The following NECTIN4 variants were observed in gnomAD, a reference collection of about 807,000 sequenced individuals.
The protein encoded by NECTIN4 is nectin-4.
A neutral mutation model predicts 51.7 loss-of-function variants in NECTIN4; 19 were observed. That is an observed-to-expected ratio of 0.37 (90% confidence interval 0.26 to 0.54). The LOEUF is 0.54. Ranked by LOEUF, NECTIN4 falls within the 20% of genes least tolerant of loss-of-function variation. The pLI, the probability that NECTIN4 is intolerant of heterozygous loss-of-function variation, is 0.86. For missense variants in NECTIN4, 619 were observed against 662.4 expected, an observed-to-expected ratio of 0.93 and a Z score of 0.72; for synonymous variants, 283 against 286.9, an observed-to-expected ratio of 0.99 and a Z score of 0.14.
intron 1 of NECTIN4, among the ~76,000 whole-genome samples, chr1:161,088,153 A>G (rs781450279): frequency 6.6e-6 from 1 of 152,138 alleles, no homozygotes; most frequent in Non-Finnish European, 1.5e-5. Flanking sequence ...ACCTCCACCA[A>G]TCCACACATC....
intron 1 of NECTIN4, among the ~76,000 whole-genome samples, chr1:161,080,437 C>G (rs937900497): frequency 6.6e-6 from 1 of 152,196 alleles, no homozygotes; most frequent in Non-Finnish European, 1.5e-5. Context: ...CCGGGAGCCA[C>G]GGCAAGAATC....
intron 1 of NECTIN4, among the ~76,000 whole-genome samples, chr1:161,088,041 T>C (rs942445805): frequency 2.0e-5 from 3 of 151,992 alleles, no homozygotes; most frequent in African/African-American, 7.2e-5. Flanking sequence ...AAAACACAGG[T>C]GGTAGGGGAC....
intron 1 of NECTIN4, among the ~76,000 whole-genome samples, chr1:161,088,347 CA>C (rs1380188513): frequency 3.3e-5 from 5 of 152,116 alleles, no homozygotes; most frequent in Non-Finnish European, 7.4e-5. Context: ...ACCCTAGGAA[CA>C]CCCTATGGAA....
Position 161,072,511 on chromosome 1 carries a change from C to A in NECTIN4, c.*150G>T. 1 of 711,580 alleles carries A rather than the reference C, an allele frequency of 1.4e-6. No individual in the cohort carries two copies. Among genetic ancestry groups the A allele is most frequent in the South Asian group, 1.5e-5 (1 of 65,482 alleles). 44.1% of individuals were successfully genotyped at this position (711,580 alleles called of 1,614,324 possible). On this transcript the variant is annotated 3_prime_UTR_variant, in exon 9 of 9. Coordinates refer to ENST00000368012, the MANE Select transcript of NECTIN4 (RefSeq NM_030916.3). ...CAATTGGTGGAGCCCTCCCGATGAA[C>A]AGAAGGGTTGGAGGTAAAGGTCAAG...
rs753964465 is a variant in NECTIN4 at position 161,072,845 on chromosome 1, G to GTGGTCA, written c.1343_1348dup (p.Thr449_Thr450insMetThr). On this transcript the variant is annotated inframe_insertion, in exon 9 of 9. Coordinates refer to ENST00000368012, the MANE Select transcript of NECTIN4 (RefSeq NM_030916.3). The stretch of plus-strand genomic sequence containing the variant: ...AGTCTGTGTTTCTATCTCCCTCACC[G>GTGGTCA]TGGTCAGCGTGGAGTAACTGCGGCC... 1.2e-6 allele frequency: 2 copies of GTGGTCA among 1,614,042 alleles called. No homozygotes were observed. The highest frequency in any genetic ancestry group is 1.7e-6 in the Non-Finnish European group (2 of 1,180,032).
In NECTIN4 at chr1:161,079,571, C is replaced by G. The variant is rs1322182515; in HGVS notation, c.439+19G>C. On this transcript the variant is annotated intron_variant, in intron 2 of 8. Coordinates refer to ENST00000368012, the MANE Select transcript of NECTIN4 (RefSeq NM_030916.3). The stretch of plus-strand genomic sequence containing the variant: ...TGCATCCACAGCGGCTCAGACCGTA[C>G]CCAGAGATCCCCGCTTACCCAGCAC... The G allele has an allele frequency of 6.2e-7, 1 of 1,601,672 alleles. No homozygotes were observed. Among genetic ancestry groups the G allele is most frequent in the African/African-American group, 1.3e-5 (1 of 74,894 alleles).
chr1:161,073,029 G>T, intron 8 of NECTIN4, 144 bp from the exon 9 acceptor site: 1 of 947,990 alleles, frequency 1.1e-6, no homozygotes. Context: ...CCAGAGATCG[G>T]GGACCAGGAA....
intron 1 of NECTIN4, chr1:161,087,615 C>T (rs1417886301): frequency 6.6e-6 from 1 of 151,424 alleles, no homozygotes; most frequent in Non-Finnish European, 1.5e-5. Context: ...CAGAGGTAAT[C>T]AGGGATTCCA....
At chr1:161,076,603 CT>C (rs1389956544) in intron 3 of NECTIN4, 128 bp from the exon 4 acceptor site, 2 of 1,330,976 alleles carry the variant, frequency 1.5e-6, no homozygotes, top group African/African-American at 2.9e-5. Context: ...TCCTACTCAT[CT>C]GCTGCCAAAC....
Position 161,077,562 on chromosome 1 carries a change from C to A in NECTIN4, c.621G>T (p.Glu207Asp). The A allele has an allele frequency of 6.2e-7, 1 of 1,614,012 alleles. No homozygotes were observed. The highest frequency in any genetic ancestry group is 2.2e-5 in the East Asian group (1 of 44,884). Residue 207 changes from glutamate (E) to aspartate (D), a missense_variant, in exon 3 of 9, where the codon GAG (glutamate) becomes GAT (aspartate). Coordinates refer to ENST00000368012, the MANE Select transcript of NECTIN4 (RefSeq NM_030916.3). The part of the protein sequence containing the change: ...KHSRSAAVTS[E>D]FHLVPSRSMN... Reference sequence around the variant, plus strand: ...TGCTGCGGCTAGGCACCAAGTGGAACTCTGAGGTGACGGCAGCAGAGCGGG... The same window carrying A: ...TGCTGCGGCTAGGCACCAAGTGGAAATCTGAGGTGACGGCAGCAGAGCGGG...
At position 161,074,090 on chromosome 1, in the gene NECTIN4, G is replaced by C. The variant is rs1330863645; in HGVS notation, c.1157+127C>G. ...TCCTCCTCAGCCCTAGAAACACCCT[G>C]CCCACCTCTAGTCTGAAACTCCTCA... On this transcript the variant is annotated intron_variant, in intron 6 of 8. Coordinates refer to ENST00000368012, the MANE Select transcript of NECTIN4 (RefSeq NM_030916.3). 8 of 1,198,094 alleles carry C rather than the reference G, an allele frequency of 6.7e-6. No individual in the cohort carries two copies. In the East Asian group the frequency reaches 1.7e-4, roughly 25 times the overall value. 74.2% of individuals were successfully genotyped at this position (1,198,094 alleles called of 1,614,324 possible).
chr1:161,079,649 C>T lies in NECTIN4; in HGVS notation c.380G>A (p.Cys127Tyr). The T allele has an allele frequency of 1.2e-6, 2 of 1,605,740 alleles. No individual in the cohort carries two copies. Among genetic ancestry groups the T allele is most frequent in the Non-Finnish European group, 8.5e-7 (1 of 1,179,730 alleles). Residue 127 changes from cysteine to tyrosine, a missense_variant, in exon 2 of 9, where the codon TGC (cysteine) becomes TAC (tyrosine). Physicochemically the swap from Cys to Tyr is radical, Grantham distance 194. This residue lies in a region of NECTIN4 where 218 missense variants were observed against 186.3 expected (regional missense o/e 1.17). Coordinates refer to ENST00000368012, the MANE Select transcript of NECTIN4 (RefSeq NM_030916.3). ...AVQADEGEYE[C>Y]RVSTFPAGSF... ...GCCGGCGGGGAAGGTGCTGACCCGG[C>T]ACTCGTACTCGCCCTCATCCGCCTG...
Position 161,089,355 on chromosome 1 carries a change from G to A in NECTIN4, c.-59C>T, listed in dbSNP as rs369982233. On this transcript the variant is annotated 5_prime_UTR_variant, in exon 1 of 9. Coordinates refer to ENST00000368012, the MANE Select transcript of NECTIN4 (RefSeq NM_030916.3). The surrounding 1 kb of genome is among the most constrained non-coding windows in gnomAD (Gnocchi z 4.1). ...TTCCACCGAGATCTCCCTGGGAGCC[G>A]GCTGCAGACTTGAATAAGGAACTGA... is the stretch of plus-strand genomic sequence containing the variant. 73 of 1,504,716 alleles carry A rather than the reference G, an allele frequency of 4.9e-5. No individual in the cohort carries two copies. In the African/African-American group the frequency reaches 6.0e-4, roughly 12 times the overall value. 93.2% of individuals were successfully genotyped at this position (1,504,716 alleles called of 1,614,324 possible).
intron 2 of NECTIN4, among the ~76,000 whole-genome samples, chr1:161,078,870 G>C (rs1254995999): frequency 6.6e-6 from 1 of 151,984 alleles, no homozygotes; most frequent in Non-Finnish European, 1.5e-5. Context: ...AAATTAACTG[G>C]GCGTGGTGGT....
chr1:161,073,165 G>T (rs1653253818), intron 8 of NECTIN4, 60 bp downstream of exon 8: 2 of 1,469,824 alleles, frequency 1.4e-6, no homozygotes, highest in African/African-American at 2.8e-5. Flanking sequence ...CACCATATCT[G>T]GGACCAGGAC....
rs146187482 is a variant in NECTIN4 at position 161,072,806 on chromosome 1, G to C, written c.1388C>G (p.Pro463Arg). The C allele has an allele frequency of 6.2e-7, 1 of 1,614,098 alleles. No individual in the cohort carries two copies. The highest frequency in any genetic ancestry group is 1.3e-5 in the African/African-American group (1 of 74,940). ...EIETQTELLS[P>R]GSGRAEEEED... ...CTCCTCCTCGGCCCGCCCAGAGCCT[G>C]GAGACAGCAGTTCAGTCTGTGTTTC... The change falls in exon 9 of 9, where the codon CCA (proline) becomes CGA (arginine). Residue 463 changes from proline (P) to arginine (R), a missense_variant. Coordinates refer to ENST00000368012, the MANE Select transcript of NECTIN4 (RefSeq NM_030916.3).
intron 1 of NECTIN4, among the ~76,000 whole-genome samples, chr1:161,088,925 C>G (rs1017588469): frequency 6.6e-6 from 1 of 152,114 alleles, no homozygotes; most frequent in Non-Finnish European, 1.5e-5. Flanking sequence ...TGGGTCACCA[C>G]GTCTATTCCC....
chr1:161,074,710 C>T lies in NECTIN4; in HGVS notation c.901G>A (p.Gly301Ser). The part of the protein sequence containing the change: ...SGVRVDGDTL[G>S]FPPLTTEHSG... ...TGCTCAGTGGTCAGTGGGGGAAAGC[C>T]CAAAGTGTCCCCATCCACTCGTACC... Residue 301 changes from glycine to serine, a missense_variant, in exon 5 of 9, where the codon GGC becomes AGC. Gly to Ser is a moderately conservative substitution (Grantham distance 56). This residue lies in a region of NECTIN4 where 364 missense variants were observed against 415.7 expected (regional missense o/e 0.88). Transcript: ENST00000368012. 6.2e-7 allele frequency: 1 copy of T among 1,614,172 alleles called. No individual in the cohort carries two copies. The highest frequency in any genetic ancestry group is 8.5e-7 in the Non-Finnish European group (1 of 1,180,032).
intron 7 of NECTIN4, 111 bp from the exon 8 acceptor site, chr1:161,073,410 A>C (rs540962728): frequency 1.1e-6 from 1 of 885,056 alleles, no homozygotes; most frequent in Non-Finnish European, 1.8e-6. Flanking sequence ...CCCCCAACCC[A>C]ACAGGTCCAT....
Sources: gnomAD v4.1 joint callset for allele counts (sites outside exome capture counted in the v4.1 genomes callset) on GRCh38, gnomAD v4.1.1 for gene constraint, gnomAD v4.1.1 regional missense constraint, Gnocchi (gnomAD v3.1) non-coding constraint, MANE v1.5 for transcripts, NCBI Gene and HGNC (gene_info 2026-07-23, HGNC 2026-07-21) for gene names.